Variants in SPTBN5 observed in about 807,000 individuals in gnomAD.
SPTBN5 encodes the protein spectrin beta chain, non-erythrocytic 5.
A neutral mutation model predicts 477.6 loss-of-function variants in SPTBN5; 513 were observed. The observed-to-expected ratio is 1.07, with a 90% CI of 1.00 to 1.16. The LOEUF is 1.16. Ranked by LOEUF, SPTBN5 falls within the 50% of genes most tolerant of loss-of-function variation. The pLI, the probability that SPTBN5 is intolerant of heterozygous loss-of-function variation, is 0.00. For missense variants in SPTBN5, 5,062 were observed against 4,731.8 expected (o/e 1.07, Z -2.05); for synonymous variants, 2,169 against 2,011.7 (o/e 1.08, Z -2.09).
intron 1 of SPTBN5, 144 bp from the exon 2 acceptor site, chr15:41,893,690 TC>T: frequency 1.9e-6 from 2 of 1,049,036 alleles, no homozygotes; most frequent in Non-Finnish European, 2.7e-6. Context: ...GTGCTTCTGG[TC>T]CCCTGTGCTT....
intron 4 of SPTBN5, among the ~76,000 whole-genome samples, chr15:41,889,812 G>A (rs745850394): frequency 2.6e-5 from 4 of 152,220 alleles, no homozygotes; most frequent in Non-Finnish European, 5.9e-5. Flanking sequence ...TGGGTGCTGG[G>A]CAGTGACCCT....
Position 41,861,730 on chromosome 15 carries a change from C to A in SPTBN5, c.7737+5G>T. ...GATGCAGGCTGGGGATGGGACTGTG[C>A]CTGCCTGTAGCTCCAGGGCCTGCTG... On this transcript the variant is annotated splice_donor_5th_base_variant and intron_variant, in intron 45 of 67. Transcript: ENST00000320955. The A allele has an allele frequency of 6.5e-7, 1 of 1,539,862 alleles. No individual in the cohort carries two copies. Among genetic ancestry groups the A allele is most frequent in the Non-Finnish European group, 8.7e-7 (1 of 1,146,466 alleles).
At chr15:41,886,464 A>C in intron 6 of SPTBN5, 98 bp from the exon 7 acceptor site, 3 of 1,358,620 alleles carry the variant, frequency 2.2e-6, no homozygotes, top group Non-Finnish European at 2.0e-6. Flanking sequence ...GGCTGTAGCT[A>C]CTTCTCTGAG....
intron 4 of SPTBN5, 58 bp downstream of exon 4, chr15:41,890,031 G>A: frequency 8.8e-7 from 1 of 1,133,270 alleles, no homozygotes; most frequent in Non-Finnish European, 1.3e-6. Flanking sequence ...AGGGGTCTGA[G>A]GTGAGGCCAG....
chr15:41,888,125 G>A (rs1485857475), intron 4 of SPTBN5, 40 bp from the exon 5 acceptor site: 2 of 1,539,738 alleles, frequency 1.3e-6, no homozygotes, highest in Non-Finnish European at 1.7e-6. Context: ...GCGGGGATGG[G>A]GTGGGGAGGC....
In SPTBN5 at chr15:41,855,244, G is replaced by GC; in HGVS notation, c.9402dup (p.Gln3135AlafsTer14). 1 of 1,612,178 alleles carries GC rather than the reference G, an allele frequency of 6.2e-7. No homozygotes were observed. Among genetic ancestry groups the GC allele is most frequent in the Non-Finnish European group, 8.5e-7 (1 of 1,179,432 alleles). ...CTCACCTTGACACCCTCCAGGTCCT[G>GC]CCCGTAGTCCTGGGACTCGGCGGTG... is the stretch of plus-strand genomic sequence containing the variant. On this transcript the variant is annotated frameshift_variant, in exon 55 of 68. Transcript: ENST00000320955. LOFTEE classifies it high-confidence loss of function.
rs867455258 is a variant in SPTBN5 at position 41,872,235 on chromosome 15, C to T, written c.5165+67G>A. 33 of 1,541,734 alleles carry T rather than the reference C, an allele frequency of 2.1e-5. 1 individual carries two copies. The South Asian group carries it at 2.6e-4, about 12-fold the overall frequency. ...GGTTCTGATTGACTTTGGGCCATGG[C>T]ATGGGAACAGTCAGCTGTGGCTAGG... On this transcript the variant is annotated intron_variant, in intron 27 of 67. Transcript: ENST00000320955.
Position 41,883,368 on chromosome 15 carries a change from G to A in SPTBN5, c.1639C>T (p.His547Tyr), listed in dbSNP as rs1211569974. Residue 547 changes from histidine (H) to tyrosine (Y), a missense_variant, in exon 8 of 68, where the codon CAC (histidine) becomes TAC (tyrosine). Physicochemically the swap from His to Tyr is moderately conservative, Grantham distance 83 (BLOSUM62 2). Coordinates refer to ENST00000320955, the MANE Select transcript of SPTBN5 (RefSeq NM_016642.4). ...CCCACCTGCAGCTCCTCCAGCTGGTGGGAGGCAGCCTCCACCTCCTGCAGC... is the reference window on the plus strand; with the variant it reads ...CCCACCTGCAGCTCCTCCAGCTGGTAGGAGGCAGCCTCCACCTCCTGCAGC... ...SLLQEVEAAS[H>Y]QLEELQEPAR... is the part of the protein sequence containing the mutation. 3 of 1,613,356 alleles carry A rather than the reference G, an allele frequency of 1.9e-6. No homozygotes were observed. The highest frequency in any genetic ancestry group is 3.3e-5 in the Admixed American group (2 of 59,994).
intron 4 of SPTBN5, 84 bp from the exon 5 acceptor site, chr15:41,888,169 G>A (rs1465887008): frequency 2.2e-6 from 3 of 1,377,288 alleles, no homozygotes; most frequent in Non-Finnish European, 3.0e-6. Context: ...AGGCAGGCTG[G>A]CCACAGCAGG....
chr15:41,852,591 G>A, intron 61 of SPTBN5, 43 bp downstream of exon 61: 3 of 1,585,126 alleles, frequency 1.9e-6, no homozygotes, highest in Non-Finnish European at 1.7e-6. Context: ...GAGAGGGACT[G>A]TTCCCCCACC....
At chr15:41,867,468 C>T (rs2066365038) in intron 35 of SPTBN5, 70 bp downstream of exon 35, 12 of 1,451,816 alleles carry the variant, frequency 8.3e-6, no homozygotes, top group Admixed American at 3.4e-5. Flanking sequence ...CCAAGCGCCC[C>T]GTGACCCCCT....
chr15:41,863,153 T>C (rs1460333558), intron 41 of SPTBN5, among the ~76,000 whole-genome samples: 1 of 152,218 alleles, frequency 6.6e-6, no homozygotes, highest in Non-Finnish European at 1.5e-5. Flanking sequence ...CTCACTCAAC[T>C]CTCATCCCTT....
rs372524706 is a variant in SPTBN5, at chr15:41,855,765, G to C, written c.9022-20C>G. ...CAGGAGCTGGGGGTGACAGAGTGGAGATCCGTTTTCCCGGGGCACCCTCCA... is the reference window on the plus strand; with the variant it reads ...CAGGAGCTGGGGGTGACAGAGTGGACATCCGTTTTCCCGGGGCACCCTCCA... On this transcript the variant is annotated intron_variant, in intron 53 of 67. Transcript: ENST00000320955. The C allele has an allele frequency of 6.5e-7, 1 of 1,547,862 alleles. No homozygotes were observed. The highest frequency in any genetic ancestry group is 8.7e-7 in the Non-Finnish European group (1 of 1,147,942).
At chr15:41,870,691 A>C in intron 29 of SPTBN5, 131 bp from the exon 30 acceptor site, 1 of 706,710 alleles carries the variant, frequency 1.4e-6, no homozygotes, top group Non-Finnish European at 2.3e-6. Context: ...CTCCTTCTTA[A>C]AACCTCTCCC....
chr15:41,858,593 G>GC lies in SPTBN5; in HGVS notation c.8226+8_8226+9insG, dbSNP rs1203676876. ...CTGTCCCACCACCCTCCTGCCTGCA[G>GC]GGCCTCACCCGCTGCAGCTCCTGCT... is the stretch of plus-strand genomic sequence containing the variant. On this transcript the variant is annotated intron_variant, in intron 49 of 67. Transcript: ENST00000320955. 6.2e-7 allele frequency: 1 copy of GC among 1,608,212 alleles called. No homozygotes were observed. The highest frequency in any genetic ancestry group is 8.5e-7 in the Non-Finnish European group (1 of 1,178,678).
At position 41,881,982 on chromosome 15, in the gene SPTBN5, AGCC is replaced by A. The variant is rs751006104; in HGVS notation, c.2408_2410del (p.Arg803del). On this transcript the variant is annotated inframe_deletion, in exon 12 of 68. Coordinates refer to ENST00000320955, the MANE Select transcript of SPTBN5 (RefSeq NM_016642.4). ...CGAGGCCGCCCGCCCCTGCTCCTCC[AGCC>A]GCCGCAGCTCGGCCGCGAAGGCGCG... 3 of 1,538,444 alleles carry A rather than the reference AGCC, an allele frequency of 2.0e-6. No homozygotes were observed. The highest frequency in any genetic ancestry group is 2.6e-6 in the Non-Finnish European group (3 of 1,151,834).
At chr15:41,867,274 G>A in intron 35 of SPTBN5, 148 bp from the exon 36 acceptor site, 2 of 1,029,710 alleles carry the variant, frequency 1.9e-6, no homozygotes, top group Admixed American at 2.8e-5. Flanking sequence ...CCAGCCACAA[G>A]CCAGACCAGT....
intron 60 of SPTBN5, 33 bp from the exon 61 acceptor site, chr15:41,852,768 T>C (rs374186557): frequency 7.6e-6 from 11 of 1,445,846 alleles, no homozygotes; most frequent in Non-Finnish European, 1.0e-5. Flanking sequence ...GACGCCCAGC[T>C]TGGGGGGGGG....
Position 41,861,735 on chromosome 15 carries a change from C to CTGTA in SPTBN5, c.7733_7736dup (p.Gln2579HisfsTer25). On this transcript the variant is annotated frameshift_variant and splice_region_variant, in exon 45 of 68. Coordinates refer to ENST00000320955, the MANE Select transcript of SPTBN5 (RefSeq NM_016642.4). LOFTEE classifies it high-confidence loss of function. ...AGGCTGGGGATGGGACTGTGCCTGCCTGTAGCTCCAGGGCCTGCTGCAGCT... is the reference window on the plus strand; with the variant it reads ...AGGCTGGGGATGGGACTGTGCCTGCCTGTATGTAGCTCCAGGGCCTGCTGCAGCT... 6.5e-7 allele frequency: 1 copy of CTGTA among 1,542,540 alleles called. No individual in the cohort carries two copies. The highest frequency in any genetic ancestry group is 8.7e-7 in the Non-Finnish European group (1 of 1,147,692).
Sources: gnomAD v4.1 joint callset for allele counts (sites outside exome capture counted in the v4.1 genomes callset) on GRCh38, gnomAD v4.1.1 for gene constraint, MANE v1.5 for transcripts, NCBI Gene and HGNC (gene_info 2026-07-23, HGNC 2026-07-21) for gene names.